Variants in FMNL2 observed in about 807,000 individuals in gnomAD.
The protein encoded by FMNL2 is formin-like protein 2.
A neutral mutation model predicts 130.2 loss-of-function variants in FMNL2; 51 were observed. The ratio of observed to expected loss-of-function variants is 0.39; its 90% confidence interval spans 0.31 to 0.49. The LOEUF is 0.49. Ranked by LOEUF, FMNL2 falls within the 20% of genes least tolerant of loss-of-function variation. FMNL2 has a pLI of 0.85. For synonymous variants in FMNL2, 465 were observed against 467.1 expected (o/e 1.00, Z 0.06); for missense variants, 977 against 1,316.2 (o/e 0.74, Z 3.99).
chr2:152,420,352 C>T (rs1027149783), intron 1 of FMNL2, among the ~76,000 whole-genome samples: 9 of 152,080 alleles, frequency 5.9e-5, no homozygotes, highest in Admixed American at 1.3e-4. Context: ...CATTTGTAAA[C>T]GTGATTTTTA....
intron 20 of FMNL2, among the ~76,000 whole-genome samples, chr2:152,631,599 G>C (rs1478955499): frequency 6.6e-6 from 1 of 152,056 alleles, no homozygotes; most frequent in Non-Finnish European, 1.5e-5. Context: ...GTTTTATCAT[G>C]CTGCTCAGAG....
intron 15 of FMNL2, among the ~76,000 whole-genome samples, chr2:152,621,504 A>G (rs553555897): frequency 2.0e-5 from 3 of 152,286 alleles, no homozygotes; most frequent in Admixed American, 6.5e-5. Flanking sequence ...AACTGCTTTT[A>G]GGGTTTGCTA....
chr2:152,358,854 G>A (rs558635781), intron 1 of FMNL2, among the ~76,000 whole-genome samples: 7 of 152,176 alleles, frequency 4.6e-5, no homozygotes, highest in African/African-American at 7.2e-5. Context: ...AATTTCTTAA[G>A]GTTATATATT....
intron 2 of FMNL2, among the ~76,000 whole-genome samples, chr2:152,534,876 GT>G (rs2105460207): frequency 6.6e-6 from 1 of 152,298 alleles, no homozygotes; most frequent in South Asian, 2.1e-4. Flanking sequence ...TCTGAGAGCT[GT>G]AATGGAACAC....
chr2:152,336,118 A>AAAACG (rs1553861659), intron 1 of FMNL2, among the ~76,000 whole-genome samples: 2 of 150,956 alleles, frequency 1.3e-5, no homozygotes, highest in South Asian at 4.2e-4. Context: ...AAAACAAAAC[A>AAAACG]AAACACCCTG....
chr2:152,473,187 C>G (rs1324832893), intron 1 of FMNL2, among the ~76,000 whole-genome samples: 1 of 152,036 alleles, frequency 6.6e-6, no homozygotes, highest in African/African-American at 2.4e-5. Flanking sequence ...TTTTTCAATA[C>G]TTGCACATTT....
At position 152,619,564 on chromosome 2, in the gene FMNL2, A is replaced by ACCCCCCCC; in HGVS notation, c.1685_1686insCCCCCCCC (p.Pro565LeufsTer26). 1.4e-6 allele frequency: 1 copy of ACCCCCCCC among 709,540 alleles called. No individual in the cohort carries two copies. Among genetic ancestry groups the ACCCCCCCC allele is most frequent in the Non-Finnish European group, 1.9e-6 (1 of 536,746 alleles). The allele number at this position is 709,540 out of a possible 1,614,324, so 44.0% of individuals were successfully genotyped here. A position where few individuals can be genotyped will look rare whatever the true frequency, so the allele number is the denominator to read the frequency against. On this transcript the variant is annotated frameshift_variant, in exon 15 of 26. Transcript: ENST00000288670. LOFTEE classifies it high-confidence loss of function. ...CACCGCCGCCGCCGCCCCCTCCTCC[A>ACCCCCCCC]CCTCCTCCTCCCCCACCGCCCCCTC...
At chr2:152,539,466 A>C (rs762753481) in intron 2 of FMNL2, 6 of 152,262 alleles carry the variant, frequency 3.9e-5, no homozygotes, top group Non-Finnish European at 7.3e-5. Context: ...TGGGCAGACT[A>C]TGCCAAGGCA....
chr2:152,567,646 C>T (rs1015910440), intron 6 of FMNL2, among the ~76,000 whole-genome samples: 1 of 152,138 alleles, frequency 6.6e-6, no homozygotes, highest in Non-Finnish European at 1.5e-5. Flanking sequence ...AAACCTAAAA[C>T]CCCAAATCTT....
In FMNL2 at chr2:152,549,050, A is replaced by T; in HGVS notation, c.312A>T (p.Thr104=). The change falls in exon 4 of 26, where the codon ACA becomes ACT. Residue 104 remains threonine, a synonymous_variant. Coordinates refer to ENST00000288670, the MANE Select transcript of FMNL2 (RefSeq NM_052905.4). ...KKFRRRVQES[T]QVLRELEISL... ...TCAGACGGCGTGTTCAAGAATCTAC[A>T]CAAGTGCTAAGAGAACTGGAAATTT... 6.2e-7 allele frequency: 1 copy of T among 1,610,466 alleles called. No individual in the cohort carries two copies. Among genetic ancestry groups the T allele is most frequent in the Non-Finnish European group, 8.5e-7 (1 of 1,178,590 alleles).
chr2:152,643,324 T>G, intron 25 of FMNL2: 6 of 1,473,640 alleles, frequency 4.1e-6, no homozygotes, highest in South Asian at 1.2e-5. Flanking sequence ...CATCCCCAGG[T>G]ATGATTAACA....
At chr2:152,366,335 G>A (rs1683540672) in intron 1 of FMNL2, among the ~76,000 whole-genome samples, 1 of 151,532 alleles carries the variant, frequency 6.6e-6, no homozygotes, top group Non-Finnish European at 1.5e-5. Flanking sequence ...TATACCTAAT[G>A]CTAAATGACG....
chr2:152,607,014 T>TTTTG lies in FMNL2; in HGVS notation c.877-322_877-321insGTTT, dbSNP rs1553485792. 4.4e-5 allele frequency among the ~76,000 whole-genome samples: 6 copies of TTTTG among 134,870 alleles called. No homozygotes were observed. The East Asian group carries it at 1.4e-3, about 32-fold the overall frequency. The allele number at this position is 134,870 out of a possible 152,430, so 88.5% of individuals were successfully genotyped here. On this transcript the variant is annotated intron_variant, in intron 9 of 25. Coordinates refer to ENST00000288670, the MANE Select transcript of FMNL2 (RefSeq NM_052905.4). Reference sequence around the variant, plus strand: ...GGTCGTTTTTTTTTTTTGTTTTTTTTTTTTTTTTTTACCATGACTGCATTC... The same window carrying TTTTG: ...GGTCGTTTTTTTTTTTTGTTTTTTTTTTTGTTTTTTTTTTACCATGACTGCATTC...
chr2:152,433,557 C>T (rs929623597), intron 1 of FMNL2, among the ~76,000 whole-genome samples: 1 of 152,158 alleles, frequency 6.6e-6, no homozygotes, highest in African/African-American at 2.4e-5. Flanking sequence ...ATGTAGTCTA[C>T]CGTGGACATC....
At chr2:152,474,948 C>T (rs1028427457) in intron 1 of FMNL2, among the ~76,000 whole-genome samples, 1 of 152,130 alleles carries the variant, frequency 6.6e-6, no homozygotes, top group African/African-American at 2.4e-5. Flanking sequence ...GGAGGCTATA[C>T]AACATAGTGA....
Position 152,335,600 on chromosome 2 carries a change from C to A in FMNL2, c.-4C>A. ...GCAGCCCCCGGCCCCGGCGCGCCGC[C>A]GACATGGGCAACGCAGGGAGCATGG... On this transcript the variant is annotated 5_prime_UTR_variant, in exon 1 of 26. Coordinates refer to ENST00000288670, the MANE Select transcript of FMNL2 (RefSeq NM_052905.4). 1.9e-6 allele frequency: 3 copies of A among 1,583,468 alleles called. No individual in the cohort carries two copies. The highest frequency in any genetic ancestry group is 2.6e-6 in the Non-Finnish European group (3 of 1,164,942).
intron 17 of FMNL2, among the ~76,000 whole-genome samples, chr2:152,627,056 T>TC (rs1202884889): frequency 6.6e-6 from 1 of 152,218 alleles, no homozygotes; most frequent in Non-Finnish European, 1.5e-5. Context: ...CCAGCAATGC[T>TC]TACATAAAAG....
rs869062341 is a variant in FMNL2, at chr2:152,364,261, G to GTTTT, written c.117+28569_117+28572dup. ...TTCACATCCGTTAGGAGGTTTGTGT[G>GTTTT]TTTTTTTTTTTTTTTTTTTTTTTTT... is the stretch of plus-strand genomic sequence containing the variant. On this transcript the variant is annotated intron_variant, in intron 1 of 25. Coordinates refer to ENST00000288670, the MANE Select transcript of FMNL2 (RefSeq NM_052905.4). Among the ~76,000 whole-genome samples, 42 of 24,450 alleles carry GTTTT rather than the reference G, an allele frequency of 1.7e-3. 2 individuals carry two copies. The highest frequency in any genetic ancestry group is 4.3e-3 in the African/African-American group (34 of 7,836). The allele number at this position is 24,450 out of a possible 152,430, so 16.0% of individuals were successfully genotyped here.
intron 1 of FMNL2, among the ~76,000 whole-genome samples, chr2:152,485,104 G>T (rs1199508769): frequency 6.6e-6 from 1 of 152,074 alleles, no homozygotes; most frequent in Non-Finnish European, 1.5e-5. Context: ...CCAGCACTTT[G>T]GGAGTCCAAG....
Sources: gnomAD v4.1 joint callset for allele counts (sites outside exome capture counted in the v4.1 genomes callset) on GRCh38, gnomAD v4.1.1 for gene constraint, MANE v1.5 for transcripts, NCBI Gene and HGNC (gene_info 2026-07-23, HGNC 2026-07-21) for gene names.